Variants in NPEPPS observed in about 807,000 individuals in gnomAD.
The protein encoded by NPEPPS is aminopeptidase puromycin sensitive.
A neutral mutation model predicts 115.5 loss-of-function variants in NPEPPS; 14 were observed. The observed-to-expected ratio is 0.12, with a 90% CI of 0.08 to 0.19. The LOEUF (loss-of-function observed/expected upper bound fraction) is 0.19, where lower values mean the gene tolerates loss of function less well. NPEPPS is among the 10% of genes least tolerant of loss of function. The pLI is 1.00. For synonymous variants in NPEPPS, 285 were observed against 390.6 expected (o/e 0.73, Z 3.19); for missense variants, 523 against 1,110.8 (o/e 0.47, Z 7.52).
intron 1 of NPEPPS, among the ~76,000 whole-genome samples, chr17:47,533,520 T>A (rs531354615): frequency 6.6e-6 from 1 of 152,272 alleles, no homozygotes; most frequent in African/African-American, 2.4e-5. Context: ...AAAAAACATT[T>A]GTTTCTTTAC....
rs1907730134 is a variant in NPEPPS, at chr17:47,531,219, C to G, written c.-82C>G. On this transcript the variant is annotated 5_prime_UTR_variant, in exon 1 of 23. Coordinates refer to ENST00000322157, the MANE Select transcript of NPEPPS (RefSeq NM_006310.4). ...CCGCCCGCACCGCCTCCTTCCCAGC[C>G]CCTAGCGCTCCGGCTGGGTCTCTCC... is the stretch of plus-strand genomic sequence containing the variant. The G allele has an allele frequency of 6.8e-7, 1 of 1,475,498 alleles. No individual in the cohort carries two copies. The highest frequency in any genetic ancestry group is 1.4e-5 in the African/African-American group (1 of 70,336). 91.4% of individuals were successfully genotyped at this position (1,475,498 alleles called of 1,614,324 possible).
intron 13 of NPEPPS, among the ~76,000 whole-genome samples, chr17:47,599,007 A>T (rs1418080299): frequency 6.6e-6 from 1 of 152,214 alleles, no homozygotes. Context: ...AAAATAAATT[A>T]AAAATATATT....
intron 4 of NPEPPS, chr17:47,580,134 A>G (rs950110331): frequency 6.6e-6 from 1 of 152,146 alleles, no homozygotes; most frequent in African/African-American, 2.4e-5. Flanking sequence ...GGATAAAGAA[A>G]CAATTCATGA....
chr17:47,568,611 C>T (rs1170895790), intron 2 of NPEPPS, among the ~76,000 whole-genome samples: 13 of 151,984 alleles, frequency 8.6e-5, no homozygotes, highest in Admixed American at 3.3e-4. Flanking sequence ...GAGAGTAAGT[C>T]AAAGCCTTAA....
intron 1 of NPEPPS, among the ~76,000 whole-genome samples, chr17:47,525,409 T>A (rs773176515): frequency 1.2e-4 from 19 of 152,194 alleles, no homozygotes; most frequent in Admixed American, 4.6e-4. Flanking sequence ...AATGGCGTGA[T>A]CTTGGCTCAC....
intron 3 of NPEPPS, among the ~76,000 whole-genome samples, chr17:47,575,501 A>G (rs983021699): frequency 6.6e-6 from 1 of 150,978 alleles, no homozygotes; most frequent in Non-Finnish European, 1.5e-5. Flanking sequence ...TTTTTGGCCA[A>G]TATAACAATT....
At chr17:47,589,298 C>A (rs1261326434) in intron 9 of NPEPPS, among the ~76,000 whole-genome samples, 2 of 152,018 alleles carry the variant, frequency 1.3e-5, no homozygotes, top group Non-Finnish European at 2.9e-5. Flanking sequence ...CTTTGTCACC[C>A]AAGCCGGAGT....
chr17:47,526,212 CA>C (rs983519804), upstream of NPEPPS, among the ~76,000 whole-genome samples: 2 of 151,638 alleles, frequency 1.3e-5, no homozygotes, highest in Non-Finnish European at 2.9e-5. Flanking sequence ...AACTCCATCT[CA>C]AAAAAAACCC....
chr17:47,535,475 C>T lies in NPEPPS; in HGVS notation c.255+3920C>T, dbSNP rs537020161. Among the ~76,000 whole-genome samples the T allele has an allele frequency of 4.9e-4, 69 of 139,904 alleles. No individual in the cohort carries two copies. The South Asian group carries it at 0.012, about 24-fold the overall frequency. The allele number at this position is 139,904 out of a possible 152,430, so 91.8% of individuals were successfully genotyped here. A position where few individuals can be genotyped will look rare whatever the true frequency, so the allele number is the denominator to read the frequency against. ...CTGAGGCAGGAGAATGGTGTGAACC[C>T]GGGAGGCGGAGCTTGCAGTGAGCCG... On this transcript the variant is annotated intron_variant, in intron 1 of 22. Coordinates refer to ENST00000322157, the MANE Select transcript of NPEPPS (RefSeq NM_006310.4).
At chr17:47,584,152 T>C (rs111771119) in intron 5 of NPEPPS, among the ~76,000 whole-genome samples, 3 of 143,354 alleles carry the variant, frequency 2.1e-5, no homozygotes, top group African/African-American at 7.9e-5. Flanking sequence ...ACCTGGGAGG[T>C]GGAGGCTGCA....
chr17:47,538,041 G>GCC (rs1473478289), intron 1 of NPEPPS, among the ~76,000 whole-genome samples: 17 of 150,210 alleles, frequency 1.1e-4, no homozygotes, highest in Non-Finnish European at 2.5e-4. Flanking sequence ...TTACAGGCAT[G>GCC]CACCACCACG....
intron 20 of NPEPPS, among the ~76,000 whole-genome samples, chr17:47,618,683 A>G (rs1169045722): frequency 1.3e-5 from 2 of 152,246 alleles, no homozygotes; most frequent in Non-Finnish European, 2.9e-5. Context: ...AATGGAAACT[A>G]TGAGGACAGG....
intron 2 of NPEPPS, among the ~76,000 whole-genome samples, chr17:47,555,981 C>CTTTTTTTT (rs886460288): frequency 9.5e-5 from 6 of 63,032 alleles, no homozygotes; most frequent in East Asian, 4.8e-4. Flanking sequence ...TTCTGTTTTA[C>CTTTTTTTT]TTTTTTTTTT....
chr17:47,527,410 G>A (rs1481733746), upstream of NPEPPS, among the ~76,000 whole-genome samples: 1 of 151,880 alleles, frequency 6.6e-6, no homozygotes, highest in East Asian at 1.9e-4. Flanking sequence ...CTTGAACCCA[G>A]GAGGTGGAGG....
At chr17:47,594,892 A>G (rs1912762308) in intron 12 of NPEPPS, among the ~76,000 whole-genome samples, 1 of 147,770 alleles carries the variant, frequency 6.8e-6, no homozygotes, top group African/African-American at 2.5e-5. Flanking sequence ...TCTGCCTCCC[A>G]AAGTGCTGGG....
At chr17:47,592,103 C>T (rs1397289345) in intron 11 of NPEPPS, 43 bp downstream of exon 11, 1 of 1,187,222 alleles carries the variant, frequency 8.4e-7, no homozygotes, top group Non-Finnish European at 1.2e-6. Context: ...ATGGTGAAAT[C>T]ATAAGAGTTT....
intron 17 of NPEPPS, among the ~76,000 whole-genome samples, chr17:47,607,314 G>C (rs958943785): frequency 6.6e-6 from 1 of 152,120 alleles, no homozygotes; most frequent in Non-Finnish European, 1.5e-5. Context: ...CATGGAGAGA[G>C]TTTTGAGGCT....
chr17:47,604,193 T>C (rs1913393568), intron 16 of NPEPPS, 144 bp downstream of exon 16: 1 of 624,886 alleles, frequency 1.6e-6, no homozygotes, highest in Non-Finnish European at 2.6e-6. Flanking sequence ...AATCACTGTT[T>C]TTAATATGAC....
At chr17:47,568,698 T>A (rs538683640) in intron 2 of NPEPPS, among the ~76,000 whole-genome samples, 104 of 152,040 alleles carry the variant, frequency 6.8e-4, no homozygotes, top group African/African-American at 2.5e-3. Context: ...TGTTGTTGTT[T>A]AGGCTGGAGT....
Sources: allele counts gnomAD v4.1 joint callset (sites outside exome capture counted in the v4.1 genomes callset), GRCh38; gene constraint gnomAD v4.1.1; transcripts MANE v1.5; gene names NCBI Gene and HGNC (gene_info 2026-07-23, HGNC 2026-07-21).